The following SEMA3A variants were observed in gnomAD, a reference collection of about 807,000 sequenced individuals.
The protein encoded by SEMA3A is semaphorin-3A.
Under a neutral mutation model 97.9 loss-of-function variants are expected in SEMA3A, and 29 were observed. That is an observed-to-expected ratio of 0.30 (90% CI 0.22 to 0.40). The LOEUF (loss-of-function observed/expected upper bound fraction) is 0.40. Ranked by LOEUF, SEMA3A falls within the 10% of genes least tolerant of loss-of-function variation. The probability of loss-of-function intolerance (pLI) is 1.00; values close to 1 mark genes in which losing one functional copy is unlikely to be tolerated. For synonymous variants in SEMA3A, 321 were observed against 323.7 expected (o/e 0.99, Z 0.09); for missense variants, 763 against 951.3 (o/e 0.80, Z 2.60).
intron 3 of SEMA3A, among the ~76,000 whole-genome samples, chr7:84,216,255 C>T (rs945850239): frequency 3.3e-5 from 5 of 151,966 alleles, no homozygotes; most frequent in African/African-American, 1.2e-4. Context: ...TACAGGCGCT[C>T]GCCACCACAC....
intron 2 of SEMA3A, among the ~76,000 whole-genome samples, chr7:84,360,867 C>T (rs1802701208): frequency 2.0e-5 from 3 of 151,848 alleles, no homozygotes; most frequent in Non-Finnish European, 2.9e-5. Flanking sequence ...GATCTTGGCT[C>T]ACTGCAACCT....
At chr7:84,411,761 GT>G (rs1417917434) in intron 1 of SEMA3A, among the ~76,000 whole-genome samples, 1 of 151,910 alleles carries the variant, frequency 6.6e-6, no homozygotes, top group African/African-American at 2.4e-5. Flanking sequence ...AAACAGCTGG[GT>G]TTAAACAACA....
intron 1 of SEMA3A, among the ~76,000 whole-genome samples, chr7:84,146,469 C>G (rs1277185553): frequency 6.6e-6 from 1 of 151,818 alleles, no homozygotes; most frequent in Non-Finnish European, 1.5e-5. Context: ...CATTTTTTTG[C>G]TCTCTGGTCC....
chr7:84,330,354 A>G (rs1413122005), intron 2 of SEMA3A, among the ~76,000 whole-genome samples: 1 of 152,114 alleles, frequency 6.6e-6, no homozygotes, highest in Non-Finnish European at 1.5e-5. Flanking sequence ...GACTTTTTAA[A>G]TGTACCTCCT....
chr7:84,212,782 T>A (rs1798662363), intron 3 of SEMA3A, among the ~76,000 whole-genome samples: 1 of 152,232 alleles, frequency 6.6e-6, no homozygotes, highest in African/African-American at 2.4e-5. Flanking sequence ...AGTATATATT[T>A]TCCTTTCTTT....
At chr7:84,105,218 C>T (rs1202022873) in intron 4 of SEMA3A, among the ~76,000 whole-genome samples, 2 of 152,128 alleles carry the variant, frequency 1.3e-5, no homozygotes, top group Non-Finnish European at 2.9e-5. Flanking sequence ...TAAACTTGCT[C>T]TTCATTGGAC....
chr7:84,310,370 G>GT (rs113677222), intron 2 of SEMA3A, among the ~76,000 whole-genome samples: 55 of 147,550 alleles, frequency 3.7e-4, no homozygotes, highest in Admixed American at 1.6e-3. Context: ...CCTGACAGTT[G>GT]TTTTTTTTTT....
At chr7:84,092,143 T>C (rs1030242027) in intron 4 of SEMA3A, among the ~76,000 whole-genome samples, 12 of 152,180 alleles carry the variant, frequency 7.9e-5, no homozygotes, top group Non-Finnish European at 8.8e-5. Context: ...TCCCTCTAAA[T>C]CTTCTCAACC....
In SEMA3A at chr7:83,956,237, C is replaced by T. The variant is rs1210598958; in HGVS notation, c.*5134G>A. 6.6e-6 allele frequency: 1 copy of T among 152,110 alleles called. No homozygotes were observed. Among genetic ancestry groups the T allele is most frequent in the African/African-American group, 2.4e-5 (1 of 41,424 alleles). 9.4% of individuals were successfully genotyped at this position (152,110 alleles called of 1,614,324 possible). On this transcript the variant is annotated 3_prime_UTR_variant, in exon 17 of 17. Coordinates refer to ENST00000265362, the MANE Select transcript of SEMA3A (RefSeq NM_006080.3). ...TTGCTGAAGTCTTGTTTGTGAGCCA[C>T]CTTGCTTTTTAGCAAGGCAATGTTG...
chr7:84,424,963 A>G (rs1460245068), intron 1 of SEMA3A, among the ~76,000 whole-genome samples: 2 of 102,338 alleles, frequency 2.0e-5, no homozygotes, highest in Admixed American at 1.5e-4. Context: ...TTATATATAT[A>G]ATTTATATAT....
At chr7:84,061,007 G>A (rs1453677600) in intron 4 of SEMA3A, among the ~76,000 whole-genome samples, 1 of 152,164 alleles carries the variant, frequency 6.6e-6, no homozygotes, top group African/African-American at 2.4e-5. Flanking sequence ...TTGTCAGTAT[G>A]TACTTTCCAG....
intron 4 of SEMA3A, among the ~76,000 whole-genome samples, chr7:84,091,586 A>G (rs79718801): frequency 0.042 from 6,335 of 152,244 alleles, 162 homozygotes; most frequent in Middle Eastern, 0.065. Flanking sequence ...TAGGTTATCT[A>G]CATTTGATCA....
intron 3 of SEMA3A, among the ~76,000 whole-genome samples, chr7:84,112,524 A>G (rs1795305245): frequency 6.6e-6 from 1 of 152,188 alleles, no homozygotes; most frequent in Non-Finnish European, 1.5e-5. Flanking sequence ...TCCCTAATAA[A>G]AAAGGAAAAA....
At position 83,978,840 on chromosome 7, in the gene SEMA3A, C is replaced by G. The variant is rs566870648; in HGVS notation, c.1653-1644G>C. 6.6e-5 allele frequency among the ~76,000 whole-genome samples: 10 copies of G among 152,142 alleles called. No homozygotes were observed. In the East Asian group the frequency reaches 1.5e-3, roughly 24 times the overall value. On this transcript the variant is annotated intron_variant, in intron 14 of 16. Transcript: ENST00000265362. ...ATAAATCATGAGGCTTCTAAACATC[C>G]TTTTTAAAGACAGCGTGTCACTCAT...
rs371834965 is a variant in SEMA3A, at chr7:83,988,122, C to T, written c.1453-2645G>A. 1.4e-4 allele frequency among the ~76,000 whole-genome samples: 22 copies of T among 152,290 alleles called. 1 individual carries two copies. Among genetic ancestry groups the T allele is most frequent in the African/African-American group, 4.6e-4 (19 of 41,548 alleles). ...CGTTTATCACAGTCTTCTCATCCTC[C>T]AGCCACTCCTAACATATTTACTGTT... On this transcript the variant is annotated intron_variant, in intron 12 of 16. Transcript: ENST00000265362.
intron 1 of SEMA3A, among the ~76,000 whole-genome samples, chr7:84,430,206 GAC>G (rs1804943572): frequency 6.6e-6 from 1 of 151,582 alleles, no homozygotes. Context: ...TACTAATTAT[GAC>G]ACATGTTCAG....
intron 1 of SEMA3A, among the ~76,000 whole-genome samples, chr7:84,431,834 A>C (rs1346117671): frequency 6.6e-6 from 1 of 151,682 alleles, no homozygotes; most frequent in Non-Finnish European, 1.5e-5. Context: ...TTTACAGTTG[A>C]GTAGTAGAGG....
chr7:84,055,479 C>T (rs1224289704), intron 5 of SEMA3A, among the ~76,000 whole-genome samples: 6 of 152,124 alleles, frequency 3.9e-5, no homozygotes, highest in Non-Finnish European at 5.9e-5. Flanking sequence ...AGGTGCCATC[C>T]GTCACCCCTT....
At chr7:84,290,023 T>C (rs1173487228) in intron 3 of SEMA3A, among the ~76,000 whole-genome samples, 1 of 152,132 alleles carries the variant, frequency 6.6e-6, no homozygotes, top group Non-Finnish European at 1.5e-5. Flanking sequence ...ACAGAAATTA[T>C]ATAATTTCAT....
Sources: allele counts gnomAD v4.1 joint callset (sites outside exome capture counted in the v4.1 genomes callset), GRCh38; gene constraint gnomAD v4.1.1; transcripts MANE v1.5; gene names NCBI Gene and HGNC (gene_info 2026-07-23, HGNC 2026-07-21).